KCTD1: variants seen among roughly 807,000 people sequenced by gnomAD.
The protein encoded by KCTD1 is BTB/POZ domain-containing protein KCTD1.
KCTD1 carries 24 observed loss-of-function variants against 66.0 expected under a neutral mutation model. The ratio of observed to expected loss-of-function variants is 0.36; its 90% CI spans 0.26 to 0.51. KCTD1 has a LOEUF of 0.51. KCTD1 is among the 20% of genes least tolerant of loss of function. KCTD1 has a pLI of 0.95. For synonymous variants in KCTD1, 511 were observed against 517.2 expected (o/e 0.99, Z 0.16); for missense variants, 943 against 1,205.2 (o/e 0.78, Z 3.22).
chr18:26,603,157 C>T (rs751558756), intron 1 of KCTD1, among the ~76,000 whole-genome samples: 3 of 152,076 alleles, frequency 2.0e-5, no homozygotes, highest in Admixed American at 6.5e-5. Flanking sequence ...AGGCCAGGCC[C>T]AGTGGCTCAC....
At chr18:26,564,030 T>C (rs572417024) in intron 1 of KCTD1, among the ~76,000 whole-genome samples, 30 of 152,216 alleles carry the variant, frequency 2.0e-4, no homozygotes, top group Middle Eastern at 6.8e-3. Flanking sequence ...TTTTTTTTTT[T>C]TGTATTCGCA....
chr18:26,563,670 T>C (rs1985914914), intron 1 of KCTD1, among the ~76,000 whole-genome samples: 1 of 152,260 alleles, frequency 6.6e-6, no homozygotes, highest in Non-Finnish European at 1.5e-5. Context: ...ATTCAAATTC[T>C]GGCACTGCCA....
chr18:26,528,864 C>T (rs1178003437), intron 1 of KCTD1, among the ~76,000 whole-genome samples: 4 of 152,168 alleles, frequency 2.6e-5, no homozygotes, highest in Non-Finnish European at 5.9e-5. Flanking sequence ...GCCGGCAACA[C>T]TTTTTTTGCT....
At chr18:26,599,634 C>T (rs1368119717) in intron 1 of KCTD1, 28 of 1,475,678 alleles carry the variant, frequency 1.9e-5, no homozygotes, top group Non-Finnish European at 2.6e-5. Flanking sequence ...CTGCACAGTG[C>T]TGAGATTTTG....
chr18:26,574,961 T>C (rs1282745697), intron 1 of KCTD1, among the ~76,000 whole-genome samples: 1 of 152,162 alleles, frequency 6.6e-6, no homozygotes, highest in African/African-American at 2.4e-5. Context: ...ATTTTGCAGG[T>C]GCAACAATCC....
rs575833770 is a variant in KCTD1, at chr18:26,614,987, T to C, written c.-16+14160A>G. ...GCTTGCCTTCATTTATGTTCCTGTATAAAAATGAACTCAGCACTTTCTTAG... is the reference window on the plus strand; with the variant it reads ...GCTTGCCTTCATTTATGTTCCTGTACAAAAATGAACTCAGCACTTTCTTAG... On this transcript the variant is annotated intron_variant, in intron 1 of 4. Transcript: ENST00000317932. Among the ~76,000 whole-genome samples the C allele has an allele frequency of 1.6e-4, 25 of 152,234 alleles. 1 individual carries two copies. The highest frequency in any genetic ancestry group is 1.3e-4 in the Admixed American group (2 of 15,290).
At chr18:26,629,193 T>C (rs543158113) in exon 1 of KCTD1, 1 of 985,386 alleles carries the variant, frequency 1.0e-6, no homozygotes, top group Non-Finnish European at 1.2e-6. Flanking sequence ...TCCGTCCCAG[T>C]TGGTGTGCAG....
upstream of KCTD1, among the ~76,000 whole-genome samples, chr18:26,642,949 G>C (rs1390371686): frequency 1.3e-5 from 2 of 152,186 alleles, no homozygotes; most frequent in Admixed American, 1.3e-4. Context: ...TGGCGTGAGG[G>C]GAGGCAAAGG....
rs933223757 is a variant in KCTD1, at chr18:26,539,071, T to C, written c.1809+7657A>G. ...CAGGTAATAATGTGATTTCATGTTC[T>C]ATCATCTTCTCTTTATTGGATTCTT... is the stretch of plus-strand genomic sequence containing the variant. On this transcript the variant is annotated intron_variant, in intron 1 of 4. Coordinates refer to ENST00000580059, the MANE Select transcript of KCTD1 (RefSeq NM_001142730.3). Among the ~76,000 whole-genome samples the C allele has an allele frequency of 2.2e-4, 33 of 152,378 alleles. 1 individual carries two copies. Among genetic ancestry groups the C allele is most frequent in the South Asian group, 1.7e-3 (8 of 4,830 alleles).
At chr18:26,505,618 G>A (rs757686007) in intron 1 of KCTD1, among the ~76,000 whole-genome samples, 26 of 151,652 alleles carry the variant, frequency 1.7e-4, no homozygotes, top group South Asian at 8.4e-4. Context: ...GTGCAGTGGC[G>A]CAATCATAGC....
At chr18:26,473,427 G>C (rs1018865273) in intron 3 of KCTD1, among the ~76,000 whole-genome samples, 1 of 152,028 alleles carries the variant, frequency 6.6e-6, no homozygotes, top group Non-Finnish European at 1.5e-5. Flanking sequence ...GGGGGAGGGA[G>C]AGCATTAGGA....
chr18:26,460,140 G>A (rs996051401), intron 3 of KCTD1, among the ~76,000 whole-genome samples: 1 of 152,130 alleles, frequency 6.6e-6, no homozygotes, highest in Non-Finnish European at 1.5e-5. Context: ...GTAGATTAGG[G>A]CTGGTCAGGC....
At chr18:26,460,058 C>G (rs558625296) in intron 3 of KCTD1, 133 bp from the exon 4 acceptor site, 57 of 675,584 alleles carry the variant, frequency 8.4e-5, no homozygotes, top group Admixed American at 7.3e-4. Context: ...TTTTCACTTA[C>G]GACATGTTTG....
chr18:26,585,169 C>A (rs556689277), intron 1 of KCTD1, among the ~76,000 whole-genome samples: 7 of 152,166 alleles, frequency 4.6e-5, no homozygotes, highest in African/African-American at 1.4e-4. Context: ...AACTGCCCCA[C>A]CTGTGTAGCC....
At chr18:26,580,075 C>T (rs1046590167) in intron 1 of KCTD1, among the ~76,000 whole-genome samples, 3 of 152,100 alleles carry the variant, frequency 2.0e-5, no homozygotes, top group African/African-American at 7.2e-5. Flanking sequence ...TCCACCTGCC[C>T]AAAGCCAAGT....
intron 1 of KCTD1, among the ~76,000 whole-genome samples, chr18:26,516,949 TA>T (rs1394964672): frequency 6.6e-6 from 1 of 152,072 alleles, no homozygotes. Context: ...ACATGTCAAG[TA>T]AAGGAAAATC....
chr18:26,655,630 C>G (rs1179887959), intron 1 of KCTD1: 1 of 152,260 alleles, frequency 6.6e-6, no homozygotes, highest in Non-Finnish European at 1.5e-5. Context: ...TCTCCACGTA[C>G]AAAGCCAACG....
intron 1 of KCTD1, among the ~76,000 whole-genome samples, chr18:26,514,155 T>C (rs1983505811): frequency 6.6e-6 from 1 of 152,202 alleles, no homozygotes; most frequent in Non-Finnish European, 1.5e-5. Context: ...GTCTCAATGA[T>C]ATAAAGTGAT....
chr18:26,523,958 C>T (rs900317300), intron 1 of KCTD1, among the ~76,000 whole-genome samples: 15 of 152,134 alleles, frequency 9.9e-5, no homozygotes, highest in African/African-American at 2.4e-4. Flanking sequence ...AGAACAGACT[C>T]GAATCTGCAG....
Sources: gnomAD v4.1 joint callset for allele counts (sites outside exome capture counted in the v4.1 genomes callset) on GRCh38, gnomAD v4.1.1 for gene constraint, MANE v1.5 for transcripts, NCBI Gene and HGNC (gene_info 2026-07-23, HGNC 2026-07-21) for gene names.